Variants in RELL1 observed in about 807,000 individuals in gnomAD.
RELL1 encodes the protein RELT like 1.
RELL1 carries 10 observed loss-of-function variants against 23.0 expected under a neutral mutation model. The ratio of observed to expected loss-of-function variants is 0.43; its 90% CI spans 0.27 to 0.74. The LOEUF is 0.74. Ranked by LOEUF, RELL1 falls within the 30% of genes least tolerant of loss-of-function variation. The pLI, the probability that RELL1 is intolerant of heterozygous loss-of-function variation, is 0.19. For synonymous variants in RELL1, 146 were observed against 146.8 expected (o/e 0.99, Z 0.04); for missense variants, 315 against 364.4 (o/e 0.86, Z 1.10).
At chr4:37,658,456 C>CTGTG (rs1721206198) in intron 1 of RELL1, among the ~76,000 whole-genome samples, 1 of 152,220 alleles carries the variant, frequency 6.6e-6, no homozygotes, top group Non-Finnish European at 1.5e-5. Context: ...CTAAGCTAAG[C>CTGTG]ATTGAATCTT....
chr4:37,615,629 A>G (rs904913967), intron 6 of RELL1, among the ~76,000 whole-genome samples: 1 of 152,202 alleles, frequency 6.6e-6, no homozygotes, highest in Non-Finnish European at 1.5e-5. Flanking sequence ...AGCCTGGCCT[A>G]TCTCTCTTCG....
chr4:37,663,210 T>A (rs764322307), intron 1 of RELL1, among the ~76,000 whole-genome samples: 3 of 152,140 alleles, frequency 2.0e-5, no homozygotes, highest in Non-Finnish European at 4.4e-5. Context: ...CTGCCCCTCC[T>A]CCTTTTGCTA....
chr4:37,641,096 G>C (rs1346158761), intron 3 of RELL1, among the ~76,000 whole-genome samples: 2 of 152,084 alleles, frequency 1.3e-5, no homozygotes, highest in African/African-American at 4.8e-5. Context: ...CATTATTAAA[G>C]CTTGCTTTTT....
chr4:37,587,179 AT>A (rs1164018588), downstream of RELL1, among the ~76,000 whole-genome samples: 4 of 152,116 alleles, frequency 2.6e-5, no homozygotes, highest in Non-Finnish European at 5.9e-5. Flanking sequence ...TCTTCTGTCT[AT>A]AATCAAATGT....
downstream of RELL1, among the ~76,000 whole-genome samples, chr4:37,589,634 A>C (rs1718494827): frequency 6.6e-6 from 1 of 151,978 alleles, no homozygotes; most frequent in Non-Finnish European, 1.5e-5. Flanking sequence ...TTCAGGCAGA[A>C]CCTTGTTTAT....
At chr4:37,647,486 GCATCAAGTCAATCAATCTT>G in intron 2 of RELL1, 47 bp from the exon 3 acceptor site, 1 of 1,311,076 alleles carries the variant, frequency 7.6e-7, no homozygotes, top group Non-Finnish European at 1.1e-6. Flanking sequence ...TTGGTCACCA[GCATCAAGTCAATCAATCTT>G]AGAACCCAAG....
At chr4:37,598,845 C>CT in intron 6 of RELL1, among the ~76,000 whole-genome samples, 2 of 152,084 alleles carry the variant, frequency 1.3e-5, no homozygotes, top group African/African-American at 4.8e-5. Context: ...CCACCATGCC[C>CT]AGCTAGTTTT....
chr4:37,594,207 T>A (rs1302508036), intron 6 of RELL1, among the ~76,000 whole-genome samples: 6 of 152,220 alleles, frequency 3.9e-5, no homozygotes, highest in Non-Finnish European at 8.8e-5. Flanking sequence ...AATCTTTAGG[T>A]TGAAAAGTAA....
chr4:37,621,432 G>A (rs1375447797), intron 6 of RELL1, among the ~76,000 whole-genome samples: 2 of 151,788 alleles, frequency 1.3e-5, no homozygotes, highest in Non-Finnish European at 2.9e-5. Flanking sequence ...CTCCAGCCTG[G>A]GGGACAGAGC....
downstream of RELL1, chr4:37,588,955 C>T: frequency 1.5e-6 from 2 of 1,362,732 alleles, no homozygotes; most frequent in South Asian, 2.3e-5. Context: ...AGCGTGGGGT[C>T]ACTTTTAAAG....
intron 2 of RELL1, among the ~76,000 whole-genome samples, chr4:37,648,700 T>A (rs115410868): frequency 0.02 from 3,039 of 152,330 alleles, 41 homozygotes; most frequent in Middle Eastern, 0.054. Flanking sequence ...TTCTGCACTG[T>A]GCACACGATC....
At chr4:37,630,679 G>T (rs1411478196) in intron 6 of RELL1, among the ~76,000 whole-genome samples, 1 of 151,648 alleles carries the variant, frequency 6.6e-6, no homozygotes, top group African/African-American at 2.4e-5. Context: ...CCAGCTGCGT[G>T]TTGTTTTTTT....
At chr4:37,654,777 G>T (rs967528489) in intron 1 of RELL1, among the ~76,000 whole-genome samples, 1 of 152,136 alleles carries the variant, frequency 6.6e-6, no homozygotes, top group Admixed American at 6.5e-5. Flanking sequence ...GAAATTTTTT[G>T]TGAAGATACA....
At chr4:37,670,314 T>C (rs780437842) in intron 1 of RELL1, among the ~76,000 whole-genome samples, 13 of 152,018 alleles carry the variant, frequency 8.6e-5, no homozygotes, top group Non-Finnish European at 1.6e-4. Flanking sequence ...ATTAATAGTG[T>C]AGACAGCGGT....
downstream of RELL1, among the ~76,000 whole-genome samples, chr4:37,605,965 G>A (rs936007194): frequency 6.8e-6 from 1 of 147,110 alleles, no homozygotes; most frequent in Non-Finnish European, 1.5e-5. Flanking sequence ...GAAGGAGAGA[G>A]GGAGGGAGGA....
intron 1 of RELL1, among the ~76,000 whole-genome samples, chr4:37,652,178 G>A (rs778391625): frequency 5.9e-5 from 9 of 152,154 alleles, no homozygotes; most frequent in Non-Finnish European, 1.2e-4. Flanking sequence ...GCAAACCAGA[G>A]GCCATAGAAC....
At chr4:37,633,990 G>A (rs569086581) in intron 5 of RELL1, among the ~76,000 whole-genome samples, 7 of 152,324 alleles carry the variant, frequency 4.6e-5, no homozygotes, top group South Asian at 2.1e-4. Context: ...GTGCTCACCC[G>A]GTCTCACTCC....
intron 1 of RELL1, among the ~76,000 whole-genome samples, chr4:37,654,540 T>C (rs1227937236): frequency 6.6e-6 from 1 of 152,224 alleles, no homozygotes; most frequent in Non-Finnish European, 1.5e-5. Flanking sequence ...TTCCTTCAAT[T>C]TACACTAATA....
At chr4:37,651,480 A>C (rs942519679) in intron 1 of RELL1, among the ~76,000 whole-genome samples, 1 of 152,238 alleles carries the variant, frequency 6.6e-6, no homozygotes, top group African/African-American at 2.4e-5. Context: ...GAAACCCAGA[A>C]ATTGGAAAGC....
Sources: gnomAD v4.1 joint callset for allele counts (sites outside exome capture counted in the v4.1 genomes callset) on GRCh38, gnomAD v4.1.1 for gene constraint, MANE v1.5 for transcripts, NCBI Gene and HGNC (gene_info 2026-07-23, HGNC 2026-07-21) for gene names.